AGBL4: variants seen among roughly 807,000 people sequenced by gnomAD.
AGBL4 encodes AGBL carboxypeptidase 4, also known as cytosolic carboxypeptidase 6.
In AGBL4, 58 loss-of-function variants were observed where a neutral mutation model predicts 66.4. That is an observed-to-expected ratio of 0.87 (90% CI 0.71 to 1.09). The LOEUF is 1.09. Ranked by LOEUF, AGBL4 falls within the 50% of genes least tolerant of loss-of-function variation. The pLI is 0.00. For synonymous variants in AGBL4, 234 were observed against 222.9 expected, an observed-to-expected ratio of 1.05 and a Z score of -0.44; for missense variants, 579 against 631.0, an observed-to-expected ratio of 0.92 and a Z score of 0.88.
At chr1:49,852,353 T>C (rs1284764369) in intron 1 of AGBL4, among the ~76,000 whole-genome samples, 1 of 152,146 alleles carries the variant, frequency 6.6e-6, no homozygotes, top group African/African-American at 2.4e-5. Flanking sequence ...AATTTTTAAA[T>C]ATTATTAAAC....
At chr1:49,160,071 G>T (rs943690640) in intron 4 of AGBL4, among the ~76,000 whole-genome samples, 2 of 152,144 alleles carry the variant, frequency 1.3e-5, no homozygotes, top group Non-Finnish European at 2.9e-5. Flanking sequence ...CTGTCAATTT[G>T]TCAAACACAT....
chr1:50,020,997 A>C (rs781211866), intron 1 of AGBL4, among the ~76,000 whole-genome samples: 3 of 152,238 alleles, frequency 2.0e-5, no homozygotes, highest in South Asian at 2.1e-4. Context: ...CAATAAAATT[A>C]TCTCTCTCAG....
chr1:49,516,266 GGT>G (rs1397200490), intron 3 of AGBL4, among the ~76,000 whole-genome samples: 1 of 151,916 alleles, frequency 6.6e-6, no homozygotes, highest in African/African-American at 2.4e-5. Flanking sequence ...CATCACAAAT[GGT>G]GTTATAAAGG....
chr1:48,756,994 A>AGTTTTTCTACAT (rs1463154563), intron 6 of AGBL4, among the ~76,000 whole-genome samples: 1 of 152,226 alleles, frequency 6.6e-6, no homozygotes, highest in Non-Finnish European at 1.5e-5. Flanking sequence ...CTTCAGGTCA[A>AGTTTTTCTACAT]GTTTTTCTAC....
At chr1:49,202,607 G>A (rs1647797999) in intron 4 of AGBL4, among the ~76,000 whole-genome samples, 1 of 151,876 alleles carries the variant, frequency 6.6e-6, no homozygotes, top group Non-Finnish European at 1.5e-5. Flanking sequence ...AAAACAAAAA[G>A]AAACTCAAAA....
At chr1:49,445,475 C>T (rs1408401455) in intron 3 of AGBL4, among the ~76,000 whole-genome samples, 1 of 152,122 alleles carries the variant, frequency 6.6e-6, no homozygotes, top group Non-Finnish European at 1.5e-5. Flanking sequence ...AGGATGCCAA[C>T]AATTTGAGTA....
At chr1:49,421,093 T>C (rs1435610579) in intron 3 of AGBL4, among the ~76,000 whole-genome samples, 1 of 152,196 alleles carries the variant, frequency 6.6e-6, no homozygotes, top group African/African-American at 2.4e-5. Flanking sequence ...GATTGGAATA[T>C]TGACTATACC....
chr1:48,622,107 T>C (rs1280221144), intron 9 of AGBL4, among the ~76,000 whole-genome samples: 1 of 152,138 alleles, frequency 6.6e-6, no homozygotes, highest in African/African-American at 2.4e-5. Flanking sequence ...CTCCTGCCCC[T>C]TCTCCACATG....
intron 2 of AGBL4, among the ~76,000 whole-genome samples, chr1:49,757,637 G>T (rs1341402718): frequency 6.6e-6 from 1 of 152,148 alleles, no homozygotes; most frequent in Non-Finnish European, 1.5e-5. Context: ...CTTGAGAAAT[G>T]GAGCAAAGGT....
chr1:49,938,504 G>A (rs1654358955), intron 1 of AGBL4, among the ~76,000 whole-genome samples: 1 of 152,160 alleles, frequency 6.6e-6, no homozygotes, highest in Non-Finnish European at 1.5e-5. Flanking sequence ...TATGAGGACA[G>A]CACATCCTGA....
chr1:49,411,385 G>A (rs1192765915), intron 3 of AGBL4, among the ~76,000 whole-genome samples: 2 of 152,146 alleles, frequency 1.3e-5, no homozygotes, highest in Non-Finnish European at 2.9e-5. Flanking sequence ...CACACTGAGG[G>A]TAGGTCTTCC....
intron 6 of AGBL4, among the ~76,000 whole-genome samples, chr1:48,774,838 C>T (rs1003056069): frequency 1.3e-5 from 2 of 152,168 alleles, no homozygotes; most frequent in African/African-American, 2.4e-5. Flanking sequence ...ATGAATGAAA[C>T]AATCTCCAAG....
At chr1:49,156,207 C>A (rs146664274) in intron 4 of AGBL4, among the ~76,000 whole-genome samples, 5 of 152,284 alleles carry the variant, frequency 3.3e-5, no homozygotes, top group Middle Eastern at 3.4e-3. Flanking sequence ...TTGCATTCAT[C>A]CTGATGTTAA....
intron 6 of AGBL4, among the ~76,000 whole-genome samples, chr1:48,834,246 C>T (rs1049339571): frequency 3.9e-5 from 6 of 152,144 alleles, no homozygotes; most frequent in African/African-American, 1.4e-4. Context: ...TGAGTCTCAC[C>T]CATATCTGAT....
At chr1:49,759,199 A>T (rs1403887307) in intron 2 of AGBL4, among the ~76,000 whole-genome samples, 2 of 152,166 alleles carry the variant, frequency 1.3e-5, no homozygotes, top group African/African-American at 2.4e-5. Flanking sequence ...GTCTCAGGCA[A>T]TTCTTCACAG....
At chr1:48,668,626 G>T (rs1043200559) in intron 6 of AGBL4, among the ~76,000 whole-genome samples, 9 of 152,174 alleles carry the variant, frequency 5.9e-5, no homozygotes, top group African/African-American at 1.9e-4. Flanking sequence ...CTCCTACTCA[G>T]CCTTCAAGAC....
At chr1:48,833,515 G>C (rs538251479) in intron 6 of AGBL4, among the ~76,000 whole-genome samples, 3 of 152,280 alleles carry the variant, frequency 2.0e-5, no homozygotes, top group South Asian at 4.1e-4. Context: ...CAAAAAGCAA[G>C]CTGAATGTAA....
chr1:49,084,857 C>T (rs3862265), intron 4 of AGBL4, among the ~76,000 whole-genome samples: 66,309 of 151,972 alleles, frequency 0.44, 16,898 homozygotes, highest in Non-Finnish European at 0.58. Context: ...TTGGTCTGAG[C>T]TTATCAGCAA....
intron 3 of AGBL4, among the ~76,000 whole-genome samples, chr1:49,678,316 C>A (rs1286945170): frequency 6.6e-6 from 1 of 152,040 alleles, no homozygotes; most frequent in Non-Finnish European, 1.5e-5. Context: ...TCTCCTATTT[C>A]ATTCCTAATA....
Sources: allele counts gnomAD v4.1 joint callset (sites outside exome capture counted in the v4.1 genomes callset), GRCh38; gene constraint gnomAD v4.1.1; transcripts MANE v1.5; gene names NCBI Gene and HGNC (gene_info 2026-07-23, HGNC 2026-07-21).